The following BICD1 variants were observed in gnomAD, a reference collection of about 807,000 sequenced individuals.
BICD1 encodes BICD cargo adaptor 1, also known as protein bicaudal D homolog 1.
BICD1 carries 35 observed loss-of-function variants against 92.5 expected under a neutral mutation model. The observed-to-expected ratio is 0.38, with a 90% CI of 0.29 to 0.50. The LOEUF is 0.50. BICD1 is among the 20% of genes least tolerant of loss of function. BICD1 has a pLI of 0.93. For missense variants in BICD1, 950 were observed against 1,189.8 expected, an observed-to-expected ratio of 0.80 and a Z score of 2.97; for synonymous variants, 429 against 465.1, an observed-to-expected ratio of 0.92 and a Z score of 1.00.
At chr12:32,143,705 A>G (rs1424580093) in intron 1 of BICD1, among the ~76,000 whole-genome samples, 3 of 152,086 alleles carry the variant, frequency 2.0e-5, no homozygotes, top group African/African-American at 4.8e-5. Context: ...AGAATTGCCA[A>G]TCTTCAACCT....
At chr12:32,260,327 A>C (rs1161227033) in intron 2 of BICD1, among the ~76,000 whole-genome samples, 1 of 152,202 alleles carries the variant, frequency 6.6e-6, no homozygotes, top group Non-Finnish European at 1.5e-5. Context: ...ATCCTAAGCT[A>C]TAGCAAGAAT....
At chr12:32,241,924 G>A (rs1416889185) in intron 2 of BICD1, among the ~76,000 whole-genome samples, 1 of 152,002 alleles carries the variant, frequency 6.6e-6, no homozygotes, top group African/African-American at 2.4e-5. Context: ...ACGGGACATG[G>A]TAAGACACAC....
rs375067221 is a variant in BICD1 at position 32,337,546 on chromosome 12, C to T, written c.2300C>T (p.Ala767Val). The T allele has an allele frequency of 1.9e-5, 31 of 1,613,924 alleles. No homozygotes were observed. Among genetic ancestry groups the T allele is most frequent in the Non-Finnish European group, 2.6e-5 (31 of 1,179,926 alleles). The change falls in exon 7 of 10, where the codon GCA becomes GTA. Residue 767 changes from alanine (A) to valine (V), a missense_variant. Coordinates refer to ENST00000652176, the MANE Select transcript of BICD1 (RefSeq NM_001714.4). The surrounding 1 kb of genome is among the most constrained non-coding windows in gnomAD (Gnocchi z 4.7). ...TQLDEMQRQL[A>V]AAEDEKKTLN... is the part of the protein sequence containing the mutation. ...TTGGATGAGATGCAGAGACAGTTAG[C>T]AGCTGCAGAGGATGAGAAGAAGACT...
chr12:32,303,849 T>C (rs909523046), intron 3 of BICD1, among the ~76,000 whole-genome samples: 1 of 151,904 alleles, frequency 6.6e-6, no homozygotes, highest in South Asian at 2.1e-4. Flanking sequence ...CTGAGGTGGG[T>C]GGATCACAAG....
At position 32,155,192 on chromosome 12, in the gene BICD1, G is replaced by C. The variant is rs187557113; in HGVS notation, c.213+47648G>C. On this transcript the variant is annotated intron_variant, in intron 1 of 9. Transcript: ENST00000652176. ...ACTTCGTCCACAGCTGTACTCCATC[G>C]GCCACTGACAGTCTTATTGCATTAT... 4.3e-4 allele frequency among the ~76,000 whole-genome samples: 65 copies of C among 152,110 alleles called. No individual in the cohort carries two copies. In the East Asian group the frequency reaches 0.012, roughly 28 times the overall value.
chr12:32,261,657 C>T (rs1946863234), intron 2 of BICD1, among the ~76,000 whole-genome samples: 1 of 152,212 alleles, frequency 6.6e-6, no homozygotes, highest in Admixed American at 6.5e-5. Context: ...AGGATTCCAC[C>T]ACCTTTGTGG....
intron 1 of BICD1, among the ~76,000 whole-genome samples, chr12:32,157,380 A>G (rs1049731611): frequency 4.6e-5 from 7 of 152,196 alleles, no homozygotes; most frequent in East Asian, 1.9e-4. Context: ...CCTCTATTGA[A>G]GGGATGAAAT....
intron 3 of BICD1, among the ~76,000 whole-genome samples, chr12:32,296,367 C>G (rs1175244121): frequency 6.7e-6 from 1 of 149,180 alleles, no homozygotes; most frequent in Non-Finnish European, 1.5e-5. Context: ...AAGCGATTCT[C>G]CTGCCTCAGC....
At chr12:32,370,369 AAAG>A (rs1466216334) in intron 9 of BICD1, among the ~76,000 whole-genome samples, 1 of 152,076 alleles carries the variant, frequency 6.6e-6, no homozygotes, top group Non-Finnish European at 1.5e-5. Context: ...GAAAAAAAAA[AAAG>A]AAATAATGTA....
intron 2 of BICD1, among the ~76,000 whole-genome samples, chr12:32,269,588 A>G (rs1947084407): frequency 6.6e-6 from 1 of 152,204 alleles, no homozygotes; most frequent in Non-Finnish European, 1.5e-5. Flanking sequence ...AAGATAGGTA[A>G]ATATTTAAGG....
chr12:32,293,890 C>T (rs888125050), intron 2 of BICD1, 104 bp from the exon 3 acceptor site: 2 of 1,195,832 alleles, frequency 1.7e-6, no homozygotes, highest in Admixed American at 3.2e-5. Context: ...ACAATTTACA[C>T]CCCATGAGGT....
chr12:32,207,414 T>A (rs566996844), intron 1 of BICD1, among the ~76,000 whole-genome samples: 1 of 152,298 alleles, frequency 6.6e-6, no homozygotes, highest in South Asian at 2.1e-4. Flanking sequence ...TCACAGAATA[T>A]TTAGTTGAGA....
chr12:32,170,507 C>T (rs1334123169), intron 1 of BICD1, among the ~76,000 whole-genome samples: 1 of 152,186 alleles, frequency 6.6e-6, no homozygotes, highest in Non-Finnish European at 1.5e-5. Flanking sequence ...GCATTGTACT[C>T]AACTCTTTAA....
In BICD1 at chr12:32,380,966, A is replaced by G. The variant is rs797020823; in HGVS notation, c.*3339A>G. 83 of 152,218 alleles carry G rather than the reference A, an allele frequency of 5.5e-4. No homozygotes were observed. The highest frequency in any genetic ancestry group is 2.0e-3 in the African/African-American group (82 of 41,568). 9.4% of individuals were successfully genotyped at this position (152,218 alleles called of 1,614,324 possible). On this transcript the variant is annotated 3_prime_UTR_variant, in exon 10 of 10. Coordinates refer to ENST00000652176, the MANE Select transcript of BICD1 (RefSeq NM_001714.4). The stretch of plus-strand genomic sequence containing the variant: ...TGGGAAATTAACGTGGAAATTGATA[A>G]TCATAAAGAATATTTGTTTTGTAAA...
chr12:32,201,062 C>T (rs1349270204), intron 1 of BICD1, among the ~76,000 whole-genome samples: 6 of 152,178 alleles, frequency 3.9e-5, no homozygotes, highest in Admixed American at 3.3e-4. Context: ...GATCAGGAAT[C>T]GTCCCTCATT....
intron 1 of BICD1, among the ~76,000 whole-genome samples, chr12:32,137,538 G>C (rs1328002241): frequency 1.3e-5 from 2 of 152,120 alleles, no homozygotes; most frequent in Non-Finnish European, 2.9e-5. Flanking sequence ...GTGTTGTAGG[G>C]CATATGTTCT....
At position 32,328,524 on chromosome 12, in the gene BICD1, C is replaced by CA; in HGVS notation, c.2070dup (p.Leu691IlefsTer13). 1 of 1,613,398 alleles carries CA rather than the reference C, an allele frequency of 6.2e-7. No individual in the cohort carries two copies. Among genetic ancestry groups the CA allele is most frequent in the Non-Finnish European group, 8.5e-7 (1 of 1,179,412 alleles). On this transcript the variant is annotated frameshift_variant, in exon 5 of 10. Coordinates refer to ENST00000652176, the MANE Select transcript of BICD1 (RefSeq NM_001714.4). LOFTEE classifies it high-confidence loss of function. The surrounding 1 kb of genome is among the most constrained non-coding windows in gnomAD (Gnocchi z 4.4). ...AGCACCAAACGGGAGCAGATCGCCA[C>CA]ATTGAGGGCGGTGTTGAAAGCCAAC...
chr12:32,287,531 GTTTTTTTTTTTGT>G (rs908783770), intron 2 of BICD1, among the ~76,000 whole-genome samples: 8 of 120,204 alleles, frequency 6.7e-5, no homozygotes, highest in Non-Finnish European at 9.7e-5. Context: ...GCTGGGTGGT[GTTTTTTTTTTTGT>G]TTTTTTTTTT....
In BICD1 at chr12:32,107,294, C is replaced by G. The variant is rs763097392; in HGVS notation, c.-38C>G. ...CCGCCAGCTTCGCATCCATCTCCCC[C>G]ACCCCGTAACCCCCTCCTGCCTCCA... is the stretch of plus-strand genomic sequence containing the variant. On this transcript the variant is annotated 5_prime_UTR_variant, in exon 1 of 10. Transcript: ENST00000652176. 6 of 1,535,728 alleles carry G rather than the reference C, an allele frequency of 3.9e-6. No homozygotes were observed. The Admixed American group carries it at 1.2e-4, about 30-fold the overall frequency.
Sources: allele counts gnomAD v4.1 joint callset (sites outside exome capture counted in the v4.1 genomes callset), GRCh38; gene constraint gnomAD v4.1.1; non-coding constraint Gnocchi (gnomAD v3.1); transcripts MANE v1.5; gene names NCBI Gene and HGNC (gene_info 2026-07-23, HGNC 2026-07-21).